Variants in RGS7 observed in about 807,000 individuals in gnomAD.
RGS7 encodes the protein regulator of G protein signaling 7.
RGS7 carries 27 observed loss-of-function variants against 81.1 expected under a neutral mutation model. That is an observed-to-expected ratio of 0.33 (90% CI 0.25 to 0.46). RGS7 has a LOEUF of 0.46. RGS7 is among the 20% of genes least tolerant of loss of function. The probability of loss-of-function intolerance (pLI) is 1.00; values close to 1 mark genes in which losing one functional copy is unlikely to be tolerated. For missense variants in RGS7, 396 were observed against 607.4 expected, an observed-to-expected ratio of 0.65 and a Z score of 3.66; for synonymous variants, 208 against 207.7, an observed-to-expected ratio of 1.00 and a Z score of -0.01.
intron 14 of RGS7, among the ~76,000 whole-genome samples, chr1:240,807,841 C>T (rs1361299603): frequency 1.3e-5 from 2 of 151,932 alleles, no homozygotes; most frequent in African/African-American, 2.4e-5. Flanking sequence ...TTGAGATCAG[C>T]CTGGCCAACA....
At chr1:241,319,255 T>C (rs12097280) in intron 2 of RGS7, among the ~76,000 whole-genome samples, 1,894 of 152,332 alleles carry the variant, frequency 0.012, 40 homozygotes, top group African/African-American at 0.043. Flanking sequence ...CATTAAATCA[T>C]GATTTATTAC....
chr1:240,934,817 C>T (rs1036749284), intron 5 of RGS7, among the ~76,000 whole-genome samples: 1 of 148,042 alleles, frequency 6.8e-6, no homozygotes, highest in Non-Finnish European at 1.5e-5. Context: ...TGTTCTAAAG[C>T]TCTTTTAAAA....
intron 2 of RGS7, among the ~76,000 whole-genome samples, chr1:241,321,385 GC>G: frequency 6.6e-6 from 1 of 152,244 alleles, no homozygotes; most frequent in African/African-American, 2.4e-5. Flanking sequence ...CTGTTTTCAA[GC>G]AATTTGGAGT....
intron 2 of RGS7, among the ~76,000 whole-genome samples, chr1:241,226,134 A>G (rs2075296143): frequency 6.6e-6 from 1 of 152,208 alleles, no homozygotes; most frequent in Non-Finnish European, 1.5e-5. Context: ...TAATATGTTC[A>G]TTTGTAAAAG....
At chr1:241,279,866 A>G (rs1478620427) in intron 2 of RGS7, among the ~76,000 whole-genome samples, 2 of 152,152 alleles carry the variant, frequency 1.3e-5, no homozygotes, top group East Asian at 3.9e-4. Context: ...CTAGAGATTC[A>G]CCCAGGCTGC....
At chr1:240,995,146 G>T (rs1261174733) in intron 3 of RGS7, among the ~76,000 whole-genome samples, 3 of 152,026 alleles carry the variant, frequency 2.0e-5, no homozygotes, top group Non-Finnish European at 4.4e-5. Flanking sequence ...TGGATTACAG[G>T]GTTAATTTTT....
chr1:241,024,115 T>A (rs899417957), intron 3 of RGS7, among the ~76,000 whole-genome samples: 5 of 152,216 alleles, frequency 3.3e-5, no homozygotes, highest in Admixed American at 3.3e-4. Flanking sequence ...AATAAGCTAA[T>A]TTATCCAGGA....
At chr1:241,239,641 G>A (rs1354905063) in intron 2 of RGS7, among the ~76,000 whole-genome samples, 1 of 152,010 alleles carries the variant, frequency 6.6e-6, no homozygotes, top group Non-Finnish European at 1.5e-5. Context: ...TCCTTACCAG[G>A]GATGAACTGC....
intron 2 of RGS7, among the ~76,000 whole-genome samples, chr1:241,295,327 C>T (rs923117696): frequency 5.3e-5 from 8 of 150,508 alleles, no homozygotes; most frequent in Non-Finnish European, 1.2e-4. Context: ...GTGGTGCATG[C>T]CTGAAATCCC....
intron 4 of RGS7, among the ~76,000 whole-genome samples, chr1:240,960,143 A>ACT (rs1422734205): frequency 7.2e-6 from 1 of 139,648 alleles, no homozygotes; most frequent in Non-Finnish European, 1.5e-5. Flanking sequence ...AGTGAGTGAG[A>ACT]CTCCATCCCC....
At chr1:241,331,733 T>C (rs1023195069) in intron 2 of RGS7, among the ~76,000 whole-genome samples, 2 of 152,176 alleles carry the variant, frequency 1.3e-5, no homozygotes, top group African/African-American at 4.8e-5. Flanking sequence ...AGCTGGAAAT[T>C]TGACCAGGAA....
intron 2 of RGS7, among the ~76,000 whole-genome samples, chr1:241,309,116 G>A (rs2080346812): frequency 6.6e-6 from 1 of 152,086 alleles, no homozygotes; most frequent in Middle Eastern, 3.2e-3. Flanking sequence ...TCCAGGCGCG[G>A]TGGCTCACAC....
At chr1:241,256,584 T>C (rs2077060556) in intron 2 of RGS7, among the ~76,000 whole-genome samples, 1 of 152,158 alleles carries the variant, frequency 6.6e-6, no homozygotes, top group Non-Finnish European at 1.5e-5. Flanking sequence ...TCTCACAGTT[T>C]TGAAGGCTGG....
intron 4 of RGS7, among the ~76,000 whole-genome samples, chr1:240,947,574 T>C (rs1282066752): frequency 6.6e-6 from 1 of 152,174 alleles, no homozygotes; most frequent in African/African-American, 2.4e-5. Flanking sequence ...CCTGTTTTGC[T>C]GTATGTTCTT....
intron 2 of RGS7, among the ~76,000 whole-genome samples, chr1:241,222,346 C>T (rs905419447): frequency 1.2e-4 from 18 of 152,148 alleles, no homozygotes; most frequent in African/African-American, 2.9e-4. Context: ...CCCGAAATTA[C>T]GATTTCTTTG....
intron 6 of RGS7, among the ~76,000 whole-genome samples, chr1:240,873,564 T>A (rs1664851928): frequency 6.6e-6 from 1 of 152,138 alleles, no homozygotes; most frequent in South Asian, 2.1e-4. Context: ...AAGTCAAAGT[T>A]TCTGGATCCC....
At chr1:241,088,017 T>C (rs891456100) in intron 3 of RGS7, among the ~76,000 whole-genome samples, 19 of 115,498 alleles carry the variant, frequency 1.6e-4, no homozygotes, top group Admixed American at 4.0e-4. Context: ...CATATATATA[T>C]ACACACACAC....
intron 4 of RGS7, among the ~76,000 whole-genome samples, chr1:240,982,105 A>G (rs2148554397): frequency 6.6e-6 from 1 of 152,226 alleles, no homozygotes; most frequent in Middle Eastern, 3.4e-3. Context: ...CACGTGTGAA[A>G]GGTTTTACAT....
At chr1:241,266,417 C>T (rs553872567) in intron 2 of RGS7, among the ~76,000 whole-genome samples, 36 of 152,264 alleles carry the variant, frequency 2.4e-4, no homozygotes, top group Admixed American at 1.5e-3. Context: ...TCATGGAGTT[C>T]GGTATTGCCA....
Sources: allele counts gnomAD v4.1 joint callset (sites outside exome capture counted in the v4.1 genomes callset), GRCh38; gene constraint gnomAD v4.1.1; transcripts MANE v1.5; gene names NCBI Gene and HGNC (gene_info 2026-07-23, HGNC 2026-07-21).